CAMTA1: variants seen among roughly 807,000 people sequenced by gnomAD.
The protein encoded by CAMTA1 is calmodulin binding transcription activator 1.
CAMTA1 carries 27 observed loss-of-function variants against 170.9 expected under a neutral mutation model. The observed-to-expected ratio is 0.16, with a 90% CI of 0.12 to 0.22. CAMTA1 has a LOEUF of 0.22. Among genes scored for constraint, CAMTA1 ranks in the 10% least tolerant of loss-of-function variants. CAMTA1 has a pLI of 1.00. For missense variants in CAMTA1, 1,619 were observed against 2,217.2 expected (o/e 0.73, Z 5.42); for synonymous variants, 833 against 891.5 (o/e 0.93, Z 1.17).
chr1:7,084,448 G>A (rs970060804), intron 3 of CAMTA1, among the ~76,000 whole-genome samples: 8 of 152,180 alleles, frequency 5.3e-5, no homozygotes, highest in African/African-American at 1.9e-4. Context: ...TGGGGAGGGA[G>A]TGGGGGCAGC....
At chr1:7,001,848 G>A (rs780911812) in intron 3 of CAMTA1, among the ~76,000 whole-genome samples, 5 of 150,940 alleles carry the variant, frequency 3.3e-5, no homozygotes, top group East Asian at 3.9e-4. Flanking sequence ...TGCCTTCTGC[G>A]TTTGCACTTA....
intron 5 of CAMTA1, among the ~76,000 whole-genome samples, chr1:7,431,597 C>T (rs2092157973): frequency 6.6e-6 from 1 of 152,180 alleles, no homozygotes; most frequent in Non-Finnish European, 1.5e-5. Flanking sequence ...AATGGACGGC[C>T]ACTTTGGGGT....
At chr1:7,361,017 G>A (rs1425878272) in intron 5 of CAMTA1, among the ~76,000 whole-genome samples, 1 of 152,214 alleles carries the variant, frequency 6.6e-6, no homozygotes, top group Admixed American at 6.5e-5. Flanking sequence ...GGCTGTGGGT[G>A]TTAGAGTGTT....
At chr1:7,581,996 G>A (rs527934438) in intron 6 of CAMTA1, among the ~76,000 whole-genome samples, 8 of 152,238 alleles carry the variant, frequency 5.3e-5, no homozygotes, top group South Asian at 4.2e-4. Context: ...AGCTCTCTCC[G>A]TCTTCTTGTC....
rs776498280 is a variant in CAMTA1 at position 7,031,632 on chromosome 1, C to T, written c.235-59672C>T. Among the ~76,000 whole-genome samples the T allele has an allele frequency of 4.1e-4, 63 of 152,088 alleles. 1 individual carries two copies. Among genetic ancestry groups the T allele is most frequent in the African/African-American group, 8.2e-4 (34 of 41,412 alleles). On this transcript the variant is annotated intron_variant, in intron 3 of 22. Transcript: ENST00000303635. Reference sequence around the variant, plus strand: ...TTGGTTCACTGCAACCTCCGCCTCCCGGGTTCAAGTGATTCCCCTGCCTGA... The same window carrying T: ...TTGGTTCACTGCAACCTCCGCCTCCTGGGTTCAAGTGATTCCCCTGCCTGA...
rs547255011 is a variant in CAMTA1, at chr1:7,662,919, G to A, written c.806-434G>A. Among the ~76,000 whole-genome samples, 452 of 152,294 alleles carry A rather than the reference G, an allele frequency of 3.0e-3. 2 individuals are homozygous for A. Among genetic ancestry groups the A allele is most frequent in the Middle Eastern group, 0.014 (4 of 294 alleles). The stretch of plus-strand genomic sequence containing the variant: ...TGAGCAGCTGTGGGAAGTTGGGGAG[G>A]GGAGGTGGGGCAGGATACGAACGTA... On this transcript the variant is annotated intron_variant, in intron 8 of 22. Transcript: ENST00000303635.
intron 3 of CAMTA1, among the ~76,000 whole-genome samples, chr1:6,962,130 C>A (rs1362646711): frequency 6.6e-6 from 1 of 152,236 alleles, no homozygotes; most frequent in Non-Finnish European, 1.5e-5. Context: ...CATGCCTCTG[C>A]CGGGGCCCCG....
At chr1:6,884,321 C>CACACACAT (rs1672533948) in intron 3 of CAMTA1, among the ~76,000 whole-genome samples, 1 of 149,184 alleles carries the variant, frequency 6.7e-6, no homozygotes, top group Admixed American at 6.8e-5. Flanking sequence ...CACACACACA[C>CACACACAT]ACACACACAC....
At chr1:7,424,976 T>A (rs1247480354) in intron 5 of CAMTA1, among the ~76,000 whole-genome samples, 1 of 152,054 alleles carries the variant, frequency 6.6e-6, no homozygotes, top group Non-Finnish European at 1.5e-5. Flanking sequence ...GGAGGCAGGA[T>A]GGACTTGGCT....
chr1:7,059,635 A>C (rs915671479), intron 3 of CAMTA1, among the ~76,000 whole-genome samples: 1 of 152,116 alleles, frequency 6.6e-6, no homozygotes, highest in Non-Finnish European at 1.5e-5. Flanking sequence ...AAAACAAAAA[A>C]AATGAACAAA....
rs574960409 is a variant in CAMTA1, at chr1:7,409,921, T to TG, written c.439-57907dup. On this transcript the variant is annotated intron_variant, in intron 5 of 22. Coordinates refer to ENST00000303635, the MANE Select transcript of CAMTA1 (RefSeq NM_015215.4). ...CCCTGTTGATGGGTGGGCTGAGGCC[T>TG]GGACCTGGCCAAGAACAGGAGGTCA... 2.0e-3 allele frequency among the ~76,000 whole-genome samples: 308 copies of TG among 152,282 alleles called. 2 individuals carry two copies. The highest frequency in any genetic ancestry group is 7.1e-3 in the African/African-American group (296 of 41,568).
intron 5 of CAMTA1, among the ~76,000 whole-genome samples, chr1:7,403,349 C>CA (rs1401735020): frequency 2.0e-5 from 3 of 151,464 alleles, no homozygotes; most frequent in Non-Finnish European, 2.9e-5. Context: ...AACTCCATCT[C>CA]AAAAAAAAGA....
intron 1 of CAMTA1, among the ~76,000 whole-genome samples, chr1:6,793,013 C>G (rs1047043984): frequency 4.1e-5 from 6 of 144,770 alleles, no homozygotes; most frequent in Admixed American, 2.7e-4. Context: ...CTTCATACCA[C>G]TCATATATAT....
At chr1:6,870,773 T>C (rs925063193) in intron 3 of CAMTA1, among the ~76,000 whole-genome samples, 1 of 152,244 alleles carries the variant, frequency 6.6e-6, no homozygotes, top group African/African-American at 2.4e-5. Context: ...TTGTAGAATC[T>C]GCTGTCTAGT....
At chr1:7,287,574 C>CCTT (rs918222458) in intron 5 of CAMTA1, among the ~76,000 whole-genome samples, 24 of 151,768 alleles carry the variant, frequency 1.6e-4, no homozygotes, top group African/African-American at 4.4e-4. Context: ...CAAGCCCTTT[C>CCTT]CTTCTTCTTC....
chr1:7,031,526 T>C (rs12048981), intron 3 of CAMTA1, among the ~76,000 whole-genome samples: 54,067 of 152,112 alleles, frequency 0.36, 9,758 homozygotes, highest in African/African-American at 0.42. Context: ...TGCTGTTTAA[T>C]GCAGTCTTGC....
intron 3 of CAMTA1, among the ~76,000 whole-genome samples, chr1:6,830,346 GTT>G (rs1175901382): frequency 4.6e-5 from 5 of 109,072 alleles, no homozygotes; most frequent in Admixed American, 9.4e-5. Context: ...ACCTGGCCTT[GTT>G]TTTTTTTTTT....
chr1:7,414,572 G>A (rs184227494), intron 5 of CAMTA1, among the ~76,000 whole-genome samples: 69,439 of 151,750 alleles, frequency 0.46, 17,082 homozygotes, highest in East Asian at 0.73. Flanking sequence ...TTCTCTGATG[G>A]TATTTTGTAT....
At position 7,641,347 on chromosome 1, in the gene CAMTA1, C is replaced by A. The variant is rs1483465727; in HGVS notation, c.664+794C>A. 6.6e-6 allele frequency among the ~76,000 whole-genome samples: 1 copy of A among 152,206 alleles called. No individual in the cohort carries two copies. The highest frequency in any genetic ancestry group is 1.5e-5 in the Non-Finnish European group (1 of 68,036). On this transcript the variant is annotated intron_variant, in intron 7 of 22. Coordinates refer to ENST00000303635, the MANE Select transcript of CAMTA1 (RefSeq NM_015215.4). The surrounding 1 kb of genome is among the most constrained non-coding windows in gnomAD (Gnocchi z 4.5). ...TGATGGCCAGGGCTCAGGGCAAGGACCTGCCATCAGCAGGGCCTGAGGGGG... is the reference window on the plus strand; with the variant it reads ...TGATGGCCAGGGCTCAGGGCAAGGAACTGCCATCAGCAGGGCCTGAGGGGG...
Sources: gnomAD v4.1 joint callset for allele counts (sites outside exome capture counted in the v4.1 genomes callset) on GRCh38, gnomAD v4.1.1 for gene constraint, Gnocchi (gnomAD v3.1) non-coding constraint, MANE v1.5 for transcripts, NCBI Gene and HGNC (gene_info 2026-07-23, HGNC 2026-07-21) for gene names.